CHL1: variants seen among roughly 807,000 people sequenced by gnomAD.
CHL1 encodes neural cell adhesion molecule L1-like protein.
CHL1 carries 96 observed loss-of-function variants against 141.9 expected under a neutral mutation model. That is an observed-to-expected ratio of 0.68 (90% CI 0.57 to 0.80). The LOEUF (loss-of-function observed/expected upper bound fraction) is 0.80. CHL1 is among the 30% of genes least tolerant of loss of function. The pLI, the probability that CHL1 is intolerant of heterozygous loss-of-function variation, is 0.00. For missense variants in CHL1, 1,820 were observed against 1,457.2 expected (o/e 1.25, Z -4.05); for synonymous variants, 613 against 502.2 (o/e 1.22, Z -2.95).
intron 2 of CHL1, among the ~76,000 whole-genome samples, chr3:277,024 A>C (rs907884790): frequency 3.3e-5 from 5 of 152,046 alleles, no homozygotes; most frequent in African/African-American, 1.2e-4. Flanking sequence ...CTCATCTGAA[A>C]ATTGGAGATA....
chr3:338,542 A>G (rs1021896311), intron 5 of CHL1, among the ~76,000 whole-genome samples: 5 of 152,162 alleles, frequency 3.3e-5, no homozygotes, highest in South Asian at 2.1e-4. Context: ...TTCACTTTTT[A>G]TCGTGCCATC....
At chr3:261,969 A>G (rs111579011) in intron 2 of CHL1, among the ~76,000 whole-genome samples, 5 of 135,070 alleles carry the variant, frequency 3.7e-5, no homozygotes, top group Non-Finnish European at 8.0e-5. Context: ...TCACACGTTT[A>G]AGCCTAGATC....
chr3:286,925 G>C (rs186622967), intron 2 of CHL1, among the ~76,000 whole-genome samples: 1 of 152,256 alleles, frequency 6.6e-6, no homozygotes, highest in Admixed American at 6.5e-5. Context: ...AGGACCACCA[G>C]AGGTCACTTT....
intron 5 of CHL1, among the ~76,000 whole-genome samples, chr3:337,191 GTTTT>G (rs71058767): frequency 1.8e-4 from 5 of 27,610 alleles, no homozygotes; most frequent in African/African-American, 4.6e-4. Context: ...TTTTGTTTTT[GTTTT>G]TTTTTTTTTT....
At chr3:397,585 T>C (rs1469923169) in intron 24 of CHL1, among the ~76,000 whole-genome samples, 3 of 152,112 alleles carry the variant, frequency 2.0e-5, no homozygotes, top group Non-Finnish European at 4.4e-5. Flanking sequence ...TTGTTCAACT[T>C]GATTCATTTT....
intron 1 of CHL1, among the ~76,000 whole-genome samples, chr3:224,635 C>T (rs951409542): frequency 6.6e-6 from 1 of 152,134 alleles, no homozygotes; most frequent in Non-Finnish European, 1.5e-5. Context: ...AGAAGCCAAG[C>T]AGATGCCAGT....
chr3:261,984 C>G (rs541181885), intron 2 of CHL1, among the ~76,000 whole-genome samples: 1 of 135,530 alleles, frequency 7.4e-6, no homozygotes, highest in Non-Finnish European at 1.6e-5. Flanking sequence ...TAGATCTACA[C>G]AGTACTCACA....
intron 12 of CHL1, among the ~76,000 whole-genome samples, chr3:360,644 G>C (rs1704145304): frequency 6.6e-6 from 1 of 150,434 alleles, no homozygotes; most frequent in Non-Finnish European, 1.5e-5. Flanking sequence ...CAATGTGCAG[G>C]TTAGTTACAT....
chr3:394,566 G>A (rs745628518), intron 23 of CHL1, 127 bp from the exon 24 acceptor site: 18 of 678,350 alleles, frequency 2.7e-5, no homozygotes, highest in Non-Finnish European at 4.0e-5. Context: ...AGGATTAAAT[G>A]AGTTGATGGT....
chr3:213,471 C>G (rs1376174402), intron 1 of CHL1: 1 of 152,166 alleles, frequency 6.6e-6, no homozygotes, highest in East Asian at 1.9e-4. Context: ...GATAGACTTT[C>G]TGGCCTGAAG....
chr3:309,178 A>G (rs12639486), intron 2 of CHL1: 38,733 of 152,168 alleles, frequency 0.25, 5,423 homozygotes, highest in East Asian at 0.49. Flanking sequence ...CGGCCTCCCC[A>G]CACACACCCC....
intron 2 of CHL1, among the ~76,000 whole-genome samples, chr3:273,770 G>T (rs915034739): frequency 6.6e-6 from 1 of 152,092 alleles, no homozygotes; most frequent in African/African-American, 2.4e-5. Flanking sequence ...TAAATTAGAG[G>T]TGGTAGGATG....
intron 1 of CHL1, among the ~76,000 whole-genome samples, chr3:207,072 G>A (rs1699507197): frequency 6.6e-6 from 1 of 152,126 alleles, no homozygotes; most frequent in African/African-American, 2.4e-5. Context: ...TAAAGATAAG[G>A]CTTTAGAAGA....
intron 2 of CHL1, among the ~76,000 whole-genome samples, chr3:282,498 A>G (rs1334800504): frequency 6.6e-6 from 1 of 152,120 alleles, no homozygotes; most frequent in African/African-American, 2.4e-5. Context: ...AGCTTGAAGG[A>G]TCCTTAACAT....
At chr3:347,795 C>T (rs1702889867) in intron 9 of CHL1, among the ~76,000 whole-genome samples, 1 of 152,200 alleles carries the variant, frequency 6.6e-6, no homozygotes, top group African/African-American at 2.4e-5. Flanking sequence ...GCTCTCACAG[C>T]TGTCTGCCCA....
At chr3:253,647 A>G (rs928921239) in intron 2 of CHL1, among the ~76,000 whole-genome samples, 1 of 152,160 alleles carries the variant, frequency 6.6e-6, no homozygotes, top group Non-Finnish European at 1.5e-5. Context: ...ATTACTCACA[A>G]CAGTATCTTA....
chr3:391,247 G>A, intron 22 of CHL1, 88 bp downstream of exon 22: 1 of 1,052,084 alleles, frequency 9.5e-7, no homozygotes. Context: ...AGGCACAGTG[G>A]CTCATGCCTG....
At chr3:393,877 G>A (rs1246138195) in intron 23 of CHL1, among the ~76,000 whole-genome samples, 1 of 152,116 alleles carries the variant, frequency 6.6e-6, no homozygotes, top group Non-Finnish European at 1.5e-5. Context: ...ATGGACCAAG[G>A]AAGGCATTTT....
intron 10 of CHL1, among the ~76,000 whole-genome samples, chr3:351,768 A>G (rs543388802): frequency 1.4e-4 from 22 of 152,276 alleles, no homozygotes; most frequent in African/African-American, 5.3e-4. Context: ...ATGAGCTTGT[A>G]ATTTAGGTTG....
Sources: gnomAD v4.1 joint callset for allele counts (sites outside exome capture counted in the v4.1 genomes callset) on GRCh38, gnomAD v4.1.1 for gene constraint, MANE v1.5 for transcripts, NCBI Gene and HGNC (gene_info 2026-07-23, HGNC 2026-07-21) for gene names.